Variants in MYBBP1A observed in about 807,000 individuals in gnomAD.
MYBBP1A encodes the protein MYB binding protein 1a.
Under a neutral mutation model 136.3 loss-of-function variants are expected in MYBBP1A, and 147 were observed. The ratio of observed to expected loss-of-function variants is 1.08; its 90% CI spans 0.94 to 1.24. MYBBP1A has a LOEUF of 1.24. Among genes scored for constraint, MYBBP1A ranks in the 50% most tolerant of loss-of-function variants. MYBBP1A has a pLI of 0.00. For synonymous variants in MYBBP1A, 947 were observed against 735.8 expected, an observed-to-expected ratio of 1.29 and a Z score of -4.65; for missense variants, 2,060 against 1,727.4, an observed-to-expected ratio of 1.19 and a Z score of -3.41.
At position 4,542,253 on chromosome 17, in the gene MYBBP1A, C is replaced by T. The variant is rs1050298634; in HGVS notation, c.3087+211G>A. The T allele has an allele frequency of 1.5e-5, 9 of 611,874 alleles. No individual in the cohort carries two copies. In the African/African-American group the frequency reaches 1.7e-4, roughly 11 times the overall value. The allele number at this position is 611,874 out of a possible 1,614,324, so 37.9% of individuals were successfully genotyped here. On this transcript the variant is annotated intron_variant, in intron 22 of 25. Transcript: ENST00000254718. ...TGCGGGAGTGAGGCTGGCCCTGCCCCCTCAGCTCCTGTGTGTTCACTGTGT... is the reference window on the plus strand; with the variant it reads ...TGCGGGAGTGAGGCTGGCCCTGCCCTCTCAGCTCCTGTGTGTTCACTGTGT...
In MYBBP1A at chr17:4,548,538, G is replaced by A. The variant is rs764510049; in HGVS notation, c.1542C>T (p.Ser514=). Residue 514 remains serine, a synonymous_variant, in exon 11 of 26, where the codon AGC becomes AGT. Transcript: ENST00000254718. The surrounding 1 kb of genome is among the most constrained non-coding windows in gnomAD (Gnocchi z 4.2). ...PLENQAREAV[S]SAFFSLLQTL... ...CCAAGACTCACCTGAAGAAGGCACT[G>A]CTGACAGCCTCTCGGGCCTGGTTTT... is the stretch of plus-strand genomic sequence containing the variant. 1.9e-6 allele frequency: 3 copies of A among 1,614,166 alleles called. No individual in the cohort carries two copies. Among genetic ancestry groups the A allele is most frequent in the South Asian group, 2.2e-5 (2 of 91,084 alleles).
chr17:4,551,749 G>A, intron 8 of MYBBP1A, 131 bp downstream of exon 8: 2 of 767,900 alleles, frequency 2.6e-6, no homozygotes, highest in Middle Eastern at 3.6e-4. Context: ...GGTTCAGGCA[G>A]CTCACTACCC....
At chr17:4,551,330 G>A (rs535583083) in intron 8 of MYBBP1A, among the ~76,000 whole-genome samples, 5 of 152,376 alleles carry the variant, frequency 3.3e-5, no homozygotes, top group South Asian at 4.1e-4. Context: ...CCACATGGGC[G>A]GGGGCGGAGA....
chr17:4,543,677 A>G (rs1597379892), intron 19 of MYBBP1A, among the ~76,000 whole-genome samples: 1 of 151,466 alleles, frequency 6.6e-6, no homozygotes, highest in African/African-American at 2.4e-5. Context: ...CACACTCCCC[A>G]CCCCTCCTGA....
chr17:4,546,881 A>C (rs1907060046), intron 13 of MYBBP1A, among the ~76,000 whole-genome samples: 1 of 151,094 alleles, frequency 6.6e-6, no homozygotes, highest in Non-Finnish European at 1.5e-5. Context: ...CTGTGTGCCC[A>C]AGCAGGTCCC....
chr17:4,555,363 C>CG lies in MYBBP1A; in HGVS notation c.-40dup. On this transcript the variant is annotated 5_prime_UTR_variant, in exon 1 of 26. Coordinates refer to ENST00000254718, the MANE Select transcript of MYBBP1A (RefSeq NM_014520.4). ...ACCGAAACACGAAACACGTGTGCTC[C>CG]GGCCCCAGCCGCTTCCAGGTCAGGG... is the stretch of plus-strand genomic sequence containing the variant. The CG allele has an allele frequency of 6.4e-7, 1 of 1,557,972 alleles. No individual in the cohort carries two copies.
chr17:4,545,061 G>C lies in MYBBP1A; in HGVS notation c.2275C>G (p.Gln759Glu). The C allele has an allele frequency of 6.5e-7, 1 of 1,547,802 alleles. No homozygotes were observed. Residue 759 changes from glutamine (Q) to glutamate (E), a missense_variant, in exon 17 of 26, where the codon CAG (glutamine) becomes GAG (glutamate). By Grantham distance (29) the Gln-to-Glu change is conservative. Coordinates refer to ENST00000254718, the MANE Select transcript of MYBBP1A (RefSeq NM_014520.4). ...DGDVDQGFRE[Q>E]LMTVLQAGKA... The stretch of plus-strand genomic sequence containing the variant: ...CCAGCCTGCAGCACGGTCATCAGCT[G>C]TTCCCGGAAGCCCTGATCCACGTCC...
Position 4,552,626 on chromosome 17 carries a change from C to T in MYBBP1A, c.562G>A (p.Val188Ile). ...RKALVDILSE[V>I]SKATLQEILP... ...ATCTCCTGCAATGTGGCCTTCGAGA[C>T]CTAAGGATGGAGGGAGAAGAAATCG... is the stretch of plus-strand genomic sequence containing the variant. Residue 188 changes from valine (V) to isoleucine (I), a missense_variant and splice_region_variant, in exon 6 of 26, where the codon GTC becomes ATC. Val to Ile is a conservative substitution (Grantham distance 29). Transcript: ENST00000254718. The surrounding 1 kb of genome is among the most constrained non-coding windows in gnomAD (Gnocchi z 4.7). 1 of 1,611,956 alleles carries T rather than the reference C, an allele frequency of 6.2e-7. No homozygotes were observed. The highest frequency in any genetic ancestry group is 8.5e-7 in the Non-Finnish European group (1 of 1,178,752).
rs1489991839 is a variant in MYBBP1A, at chr17:4,544,763, G to A, written c.2469C>T (p.Asp823=). The A allele has an allele frequency of 4.5e-6, 7 of 1,567,234 alleles. No homozygotes were observed. The highest frequency in any genetic ancestry group is 1.4e-5 in the African/African-American group (1 of 72,372). ...KLQKEKALRR[D]FQIRVLDLVE... is the part of the protein sequence containing the mutation. ...CCCCCAGGCTCACCCGGATCTGGAAGTCGCGCCGCAGAGCCTTCTCCTTCT... is the reference window on the plus strand; with the variant it reads ...CCCCCAGGCTCACCCGGATCTGGAAATCGCGCCGCAGAGCCTTCTCCTTCT... Residue 823 remains aspartate (D), a synonymous_variant, in exon 18 of 26, where the codon GAC becomes GAT. Transcript: ENST00000254718.
In MYBBP1A at chr17:4,551,709, C is replaced by CA. The variant is rs972036267; in HGVS notation, c.1023+170dup. Reference sequence around the variant, plus strand: ...GGGCGACAAGAGCAAAACTTCATCTCAAAAAAAAAAAATTTGTCCGAGGGA... The same window carrying CA: ...GGGCGACAAGAGCAAAACTTCATCTCAAAAAAAAAAAAATTTGTCCGAGGGA... On this transcript the variant is annotated intron_variant, in intron 8 of 25. Coordinates refer to ENST00000254718, the MANE Select transcript of MYBBP1A (RefSeq NM_014520.4). Among the ~76,000 whole-genome samples, 54 of 146,870 alleles carry CA rather than the reference C, an allele frequency of 3.7e-4. 1 individual carries two copies. The highest frequency in any genetic ancestry group is 6.7e-4 in the Admixed American group (10 of 14,834).
At position 4,539,092 on chromosome 17, in the gene MYBBP1A, G is replaced by T; in HGVS notation, c.*323C>A. On this transcript the variant is annotated 3_prime_UTR_variant, in exon 26 of 26. Transcript: ENST00000254718. ...CTGGGGGCAAAGAGGTGGCAGGCAC[G>T]AGAGATGGTCACACCTGCCTGCAGC... The T allele has an allele frequency of 6.7e-7, 1 of 1,493,336 alleles. No homozygotes were observed. The highest frequency in any genetic ancestry group is 9.2e-7 in the Non-Finnish European group (1 of 1,090,570). The allele number at this position is 1,493,336 out of a possible 1,614,324, so 92.5% of individuals were successfully genotyped here.
At chr17:4,544,435 C>T in intron 19 of MYBBP1A, 54 bp downstream of exon 19, 1 of 1,537,346 alleles carries the variant, frequency 6.5e-7, no homozygotes. Context: ...CTCTGGCTCT[C>T]CTGCGCCTGG....
Position 4,539,091 on chromosome 17 carries a change from C to G in MYBBP1A, c.*324G>C, listed in dbSNP as rs559865614. Reference sequence around the variant, plus strand: ...CCTGGGGGCAAAGAGGTGGCAGGCACGAGAGATGGTCACACCTGCCTGCAG... The same window carrying G: ...CCTGGGGGCAAAGAGGTGGCAGGCAGGAGAGATGGTCACACCTGCCTGCAG... On this transcript the variant is annotated 3_prime_UTR_variant, in exon 26 of 26. Coordinates refer to ENST00000254718, the MANE Select transcript of MYBBP1A (RefSeq NM_014520.4). The G allele has an allele frequency of 7.5e-4, 1,116 of 1,479,096 alleles. 11 individuals carry two copies. The South Asian group carries it at 0.012, about 17-fold the overall frequency. The allele number at this position is 1,479,096 out of a possible 1,614,324, so 91.6% of individuals were successfully genotyped here.
At position 4,552,403 on chromosome 17, in the gene MYBBP1A, G is replaced by A. The variant is rs202244091; in HGVS notation, c.737+48C>T. 3.7e-5 allele frequency: 60 copies of A among 1,605,294 alleles called. No individual in the cohort carries two copies. In the Admixed American group the frequency reaches 6.9e-4, roughly 18 times the overall value. On this transcript the variant is annotated intron_variant, in intron 6 of 25. Transcript: ENST00000254718. This position sits in a 1 kb window ranked among gnomAD's most constrained non-coding sequence, Gnocchi z 4.7. ...ACGACAAATCTGGGCCTGGCCAGAT[G>A]CAGTCCCTTGGCCCCAGGGAGGGCA...
rs144506752 is a variant in MYBBP1A at position 4,543,117 on chromosome 17, G to A, written c.2688C>T (p.Arg896=). 6.8e-3 allele frequency: 11,014 copies of A among 1,611,968 alleles called. 63 individuals are homozygous for A. The highest frequency in any genetic ancestry group is 7.3e-3 in the Non-Finnish European group (8,578 of 1,179,338). ...CCACCTGGGCGTGCAGGGCCCCTGC[G>A]CGCTCACCCAAGTCGTGGCAGTAGC... is the stretch of plus-strand genomic sequence containing the variant. ...ARRYCHDLGE[R]AGALHAQVER... is the part of the protein sequence containing the mutation. The change falls in exon 20 of 26, where the codon CGC becomes CGT. Residue 896 remains arginine, a synonymous_variant. Transcript: ENST00000254718.
rs751896212 is a variant in MYBBP1A, at chr17:4,548,617, T to C, written c.1463A>G (p.Lys488Arg). The change falls in exon 11 of 26, where the codon AAG (lysine) becomes AGG (arginine). Residue 488 changes from lysine (K) to arginine (R), a missense_variant. Physicochemically the swap from Lys to Arg is conservative, Grantham distance 26. Transcript: ENST00000254718. This position sits in a 1 kb window ranked among gnomAD's most constrained non-coding sequence, Gnocchi z 4.2. ...FCLFHSFFVT[K>R]KPTSQIPETK... ...CTCAGGGATCTGGGATGTGGGCTTC[T>C]TTGTGACAAAGAACGAGTGGAACAA... The C allele has an allele frequency of 1.2e-6, 2 of 1,614,204 alleles. No individual in the cohort carries two copies. The highest frequency in any genetic ancestry group is 1.6e-4 in the Middle Eastern group (1 of 6,062).
Position 4,554,105 on chromosome 17 carries a change from T to A in MYBBP1A, c.379-12A>T, listed in dbSNP as rs1249557778. On this transcript the variant is annotated splice_polypyrimidine_tract_variant and intron_variant, in intron 3 of 25. Transcript: ENST00000254718. ...GGTCTCAGCATTGCCTAGAAAAGGA[T>A]TCCAGGCACAGGCATGAGGGGCCCT... is the stretch of plus-strand genomic sequence containing the variant. 2 of 1,613,878 alleles carry A rather than the reference T, an allele frequency of 1.2e-6. No homozygotes were observed. Among genetic ancestry groups the A allele is most frequent in the Non-Finnish European group, 1.7e-6 (2 of 1,180,022 alleles).
rs543996280 is a variant in MYBBP1A at position 4,539,597 on chromosome 17, T to TG, written c.3804dup (p.Thr1269HisfsTer76). ...TGCTGCTTTTGGCCTGCAGGTTCCG[T>TG]GGGGGACCCGGGAGCTCCATTCACC... On this transcript the variant is annotated frameshift_variant, in exon 26 of 26. Coordinates refer to ENST00000254718, the MANE Select transcript of MYBBP1A (RefSeq NM_014520.4). LOFTEE classifies it low-confidence loss of function (END_TRUNC). 158 of 1,613,972 alleles carry TG rather than the reference T, an allele frequency of 9.8e-5. 2 individuals carry two copies. In the South Asian group the frequency reaches 1.7e-3, roughly 17 times the overall value.
At position 4,548,986 on chromosome 17, in the gene MYBBP1A, C is replaced by T. The variant is rs1907262768; in HGVS notation, c.1431-337G>A. ...TCCTGCGAACATGGGACAGCCCCCTCTTGCAACCGTGCATGTTGAGGGTGA... is the reference window on the plus strand; with the variant it reads ...TCCTGCGAACATGGGACAGCCCCCTTTTGCAACCGTGCATGTTGAGGGTGA... On this transcript the variant is annotated intron_variant, in intron 10 of 25. Coordinates refer to ENST00000254718, the MANE Select transcript of MYBBP1A (RefSeq NM_014520.4). The surrounding 1 kb of genome is among the most constrained non-coding windows in gnomAD (Gnocchi z 4.2). Among the ~76,000 whole-genome samples, 1 of 152,270 alleles carries T rather than the reference C, an allele frequency of 6.6e-6. No homozygotes were observed. The highest frequency in any genetic ancestry group is 1.5e-5 in the Non-Finnish European group (1 of 68,046).
Sources: gnomAD v4.1 joint callset for allele counts (sites outside exome capture counted in the v4.1 genomes callset) on GRCh38, gnomAD v4.1.1 for gene constraint, Gnocchi (gnomAD v3.1) non-coding constraint, MANE v1.5 for transcripts, NCBI Gene and HGNC (gene_info 2026-07-23, HGNC 2026-07-21) for gene names.